Variants in SLC16A12 observed in about 807,000 individuals in gnomAD.
SLC16A12 encodes the protein monocarboxylate transporter 12.
SLC16A12 carries 17 observed loss-of-function variants against 42.4 expected under a neutral mutation model. That is an observed-to-expected ratio of 0.40 (90% CI 0.27 to 0.60). The LOEUF (loss-of-function observed/expected upper bound fraction) is 0.60, where lower values mean the gene tolerates loss of function less well. SLC16A12 is among the 20% of genes least tolerant of loss of function. The pLI, the probability that SLC16A12 is intolerant of heterozygous loss-of-function variation, is 0.42. For synonymous variants in SLC16A12, 224 were observed against 229.4 expected (o/e 0.98, Z 0.21); for missense variants, 544 against 623.0 (o/e 0.87, Z 1.35).
At chr10:89,468,110 T>A (rs1199553390) in intron 2 of SLC16A12, 1 of 152,124 alleles carries the variant, frequency 6.6e-6, no homozygotes, top group African/African-American at 2.4e-5. Context: ...ATTGTATAAA[T>A]CCAAATAAAA....
At chr10:89,492,768 G>A (rs774606868) in intron 2 of SLC16A12, among the ~76,000 whole-genome samples, 1 of 151,782 alleles carries the variant, frequency 6.6e-6, no homozygotes, top group Admixed American at 6.6e-5. Flanking sequence ...CTAAGACTCA[G>A]ACCAATCTAG....
intron 1 of SLC16A12, among the ~76,000 whole-genome samples, chr10:89,556,369 C>T (rs1843815964): frequency 6.6e-6 from 1 of 152,194 alleles, no homozygotes; most frequent in Non-Finnish European, 1.5e-5. Context: ...CTATCTCTAT[C>T]TATCAATCTA....
At chr10:89,550,352 C>G (rs1199163370) in intron 2 of SLC16A12, among the ~76,000 whole-genome samples, 3 of 152,094 alleles carry the variant, frequency 2.0e-5, no homozygotes, top group Non-Finnish European at 4.4e-5. Flanking sequence ...AACCCCGTCT[C>G]TACTAAAAAT....
At chr10:89,550,280 C>T (rs553395138) in intron 2 of SLC16A12, among the ~76,000 whole-genome samples, 9 of 152,182 alleles carry the variant, frequency 5.9e-5, no homozygotes, top group East Asian at 1.9e-4. Context: ...CAGCACTTTG[C>T]GGGGCCGAGG....
At chr10:89,536,037 A>T (rs1041288062), upstream of SLC16A12, among the ~76,000 whole-genome samples, 5 of 152,174 alleles carry the variant, frequency 3.3e-5, no homozygotes, top group Non-Finnish European at 2.9e-5. Context: ...CGAGGGGCGC[A>T]GCGGAGGAGG....
At chr10:89,451,360 G>C (rs1053128570) in intron 3 of SLC16A12, among the ~76,000 whole-genome samples, 1 of 152,108 alleles carries the variant, frequency 6.6e-6, no homozygotes, top group Non-Finnish European at 1.5e-5. Flanking sequence ...CAGTCACATA[G>C]AGCCTGGCAC....
upstream of SLC16A12, among the ~76,000 whole-genome samples, chr10:89,537,011 G>A (rs570193248): frequency 6.6e-6 from 1 of 151,926 alleles, no homozygotes; most frequent in African/African-American, 2.4e-5. Context: ...CTAATTTTTT[G>A]TATCTTTGGT....
intron 3 of SLC16A12, among the ~76,000 whole-genome samples, chr10:89,459,516 A>ATG (rs58259835): frequency 0.042 from 6,311 of 149,608 alleles, 404 homozygotes; most frequent in African/African-American, 0.14. Context: ...TTCTGTGTTT[A>ATG]TGTGTGTGTG....
rs528668984 is a variant in SLC16A12 at position 89,436,115 on chromosome 10, A to T, written c.1233T>A (p.Leu411=). Residue 411 remains leucine (L), a synonymous_variant, in exon 7 of 8, where the codon CTT becomes CTA. Transcript: ENST00000371790. ...IVGTTSLSSA[L]GVVYFLHAVP... ...CTGCGTGAAGGAAGTATACCACACC[A>T]AGCGCTGATGACAAAGAGGTGGTCC... 6.2e-7 allele frequency: 1 copy of T among 1,613,898 alleles called. No homozygotes were observed. The highest frequency in any genetic ancestry group is 8.5e-7 in the Non-Finnish European group (1 of 1,179,946).
At chr10:89,534,397 G>T (rs1357448963) in intron 2 of SLC16A12, 104 bp downstream of exon 2, 1 of 152,210 alleles carries the variant, frequency 6.6e-6, no homozygotes, top group Non-Finnish European at 1.5e-5. Context: ...CTAAGCTGGT[G>T]ACGCCGCGGG....
intron 2 of SLC16A12, among the ~76,000 whole-genome samples, chr10:89,513,183 A>G (rs967935522): frequency 2.6e-5 from 4 of 152,242 alleles, no homozygotes; most frequent in African/African-American, 9.6e-5. Flanking sequence ...TTTAAAAAAA[A>G]ATGAAACCGC....
chr10:89,430,601 C>T lies in SLC16A12; in HGVS notation c.*2463G>A, dbSNP rs911977261. ...ACAGTATAGACACATGGAACATTAACACTAAAATTCTGTGTAGAAATGTAA... is the reference window on the plus strand; with the variant it reads ...ACAGTATAGACACATGGAACATTAATACTAAAATTCTGTGTAGAAATGTAA... On this transcript the variant is annotated 3_prime_UTR_variant, in exon 8 of 8. Transcript: ENST00000371790. 4.4e-6 allele frequency: 2 copies of T among 459,418 alleles called. No individual in the cohort carries two copies. Among genetic ancestry groups the T allele is most frequent in the African/African-American group, 2.0e-5 (1 of 49,446 alleles). The allele number at this position is 459,418 out of a possible 1,614,324, so 28.5% of individuals were successfully genotyped here.
At chr10:89,461,320 A>G (rs1842295672) in intron 3 of SLC16A12, among the ~76,000 whole-genome samples, 1 of 152,216 alleles carries the variant, frequency 6.6e-6, no homozygotes, top group African/African-American at 2.4e-5. Context: ...TCACCACAAC[A>G]GCCAAAATGC....
At position 89,484,236 on chromosome 10, in the gene SLC16A12, C is replaced by T. The variant is rs552116249; in HGVS notation, c.-46-21612G>A. 1.9e-3 allele frequency among the ~76,000 whole-genome samples: 290 copies of T among 152,284 alleles called. 1 individual carries two copies. Among genetic ancestry groups the T allele is most frequent in the South Asian group, 5.8e-3 (28 of 4,818 alleles). ...GTTCTGAGAACAAACCCATAATTTT[C>T]CCAGATATTGACAGTGTAATTATTT... is the stretch of plus-strand genomic sequence containing the variant. On this transcript the variant is annotated intron_variant, in intron 2 of 7. Coordinates refer to ENST00000371790, the MANE Select transcript of SLC16A12 (RefSeq NM_213606.4).
chr10:89,447,645 A>G (rs1020790985), intron 3 of SLC16A12, among the ~76,000 whole-genome samples: 2 of 152,232 alleles, frequency 1.3e-5, no homozygotes, highest in Admixed American at 6.5e-5. Flanking sequence ...AATGCCCACA[A>G]GAGAAAGCAG....
chr10:89,552,724 C>T (rs936937350), intron 2 of SLC16A12, among the ~76,000 whole-genome samples: 3 of 152,222 alleles, frequency 2.0e-5, no homozygotes, highest in Non-Finnish European at 2.9e-5. Flanking sequence ...AATGGATAAT[C>T]GGCCCTGCCC....
At chr10:89,466,598 T>A (rs1842404350) in intron 2 of SLC16A12, among the ~76,000 whole-genome samples, 1 of 152,184 alleles carries the variant, frequency 6.6e-6, no homozygotes, top group Admixed American at 6.5e-5. Context: ...AGTTGGCACT[T>A]GTAAATATCA....
At chr10:89,493,428 G>A (rs891087181) in intron 2 of SLC16A12, among the ~76,000 whole-genome samples, 6 of 152,072 alleles carry the variant, frequency 3.9e-5, no homozygotes, top group South Asian at 2.1e-4. Context: ...TCTCCATGGC[G>A]GTCAGGCTGG....
At chr10:89,445,838 C>T (rs1305360629) in intron 3 of SLC16A12, among the ~76,000 whole-genome samples, 1 of 152,096 alleles carries the variant, frequency 6.6e-6, no homozygotes, top group Non-Finnish European at 1.5e-5. Context: ...GAACCCATCA[C>T]AAGGAAGCTA....
Sources: gnomAD v4.1 joint callset for allele counts (sites outside exome capture counted in the v4.1 genomes callset) on GRCh38, gnomAD v4.1.1 for gene constraint, MANE v1.5 for transcripts, NCBI Gene and HGNC (gene_info 2026-07-23, HGNC 2026-07-21) for gene names.